Variants in IKBKB observed in about 807,000 individuals in gnomAD.
The protein encoded by IKBKB is inhibitor of nuclear factor kappa B kinase subunit beta.
Under a neutral mutation model 113.6 loss-of-function variants are expected in IKBKB, and 42 were observed. The observed-to-expected ratio is 0.37, with a 90% CI of 0.29 to 0.48. The LOEUF (loss-of-function observed/expected upper bound fraction) is 0.48. IKBKB is among the 20% of genes least tolerant of loss of function. The probability of loss-of-function intolerance (pLI) is 0.99; values close to 1 mark genes in which losing one functional copy is unlikely to be tolerated. For missense variants in IKBKB, 673 were observed against 939.7 expected (o/e 0.72, Z 3.71); for synonymous variants, 296 against 361.3 (o/e 0.82, Z 2.05).
At chr8:42,311,112 A>T (rs1443544320) in intron 8 of IKBKB, among the ~76,000 whole-genome samples, 1 of 152,254 alleles carries the variant, frequency 6.6e-6, no homozygotes, top group African/African-American at 2.4e-5. Flanking sequence ...CTCACCAGGA[A>T]GGTCATATAA....
intron 21 of IKBKB, chr8:42,329,830 C>A: frequency 5.1e-6 from 5 of 985,380 alleles, no homozygotes; most frequent in Non-Finnish European, 6.0e-6. Flanking sequence ...ACAAAGCTTC[C>A]ATTGTTGAGA....
intron 8 of IKBKB, among the ~76,000 whole-genome samples, chr8:42,313,229 T>C (rs545236811): frequency 1.1e-4 from 17 of 152,262 alleles, no homozygotes; most frequent in African/African-American, 3.9e-4. Flanking sequence ...AGTGAGCGAA[T>C]TGCTTGAGTC....
rs200136227 is a variant in IKBKB at position 42,290,185 on chromosome 8, G to A, written c.230G>A (p.Arg77Gln). 66 of 1,613,660 alleles carry A rather than the reference G, an allele frequency of 4.1e-5. No individual in the cohort carries two copies. The highest frequency in any genetic ancestry group is 4.8e-5 in the Non-Finnish European group (57 of 1,179,920). The change falls in exon 4 of 22, where the codon CGA becomes CAA. Residue 77 changes from arginine to glutamine, a missense_variant. Around this residue, in one of 2 missense-constraint regions of IKBKB, gnomAD observed 167 missense variants for 301.0 expected, o/e 0.55. Transcript: ENST00000520810. ...ACCCACCCCAATGTGGTGGCTGCCCGAGATGTCCCTGAGGGGATGCAGAAC... is the reference window on the plus strand; with the variant it reads ...ACCCACCCCAATGTGGTGGCTGCCCAAGATGTCCCTGAGGGGATGCAGAAC... ...RLTHPNVVAARDVPEGMQNLA... is the reference protein window; with the variant it reads ...RLTHPNVVAAQDVPEGMQNLA...
At chr8:42,314,729 C>G (rs1383278855) in intron 9 of IKBKB, among the ~76,000 whole-genome samples, 3 of 150,220 alleles carry the variant, frequency 2.0e-5, no homozygotes, top group Non-Finnish European at 4.4e-5. Flanking sequence ...GAGCTGAGAT[C>G]GTGCCACTGT....
chr8:42,297,369 A>C (rs970922026), intron 5 of IKBKB, among the ~76,000 whole-genome samples: 1 of 152,130 alleles, frequency 6.6e-6, no homozygotes, highest in East Asian at 1.9e-4. Context: ...TGGAGTTGCC[A>C]CTGCTGTTCT....
At chr8:42,302,321 A>G (rs1815390897) in intron 5 of IKBKB, among the ~76,000 whole-genome samples, 1 of 152,270 alleles carries the variant, frequency 6.6e-6, no homozygotes, top group Non-Finnish European at 1.5e-5. Flanking sequence ...TTTTAGGCAC[A>G]TGGAAAGCAG....
intron 1 of IKBKB, 149 bp from the exon 2 acceptor site, chr8:42,271,934 A>T: frequency 1.2e-6 from 1 of 868,270 alleles, no homozygotes; most frequent in Middle Eastern, 3.6e-4. Context: ...GACCAACCAA[A>T]CACATTGGTT....
intron 6 of IKBKB, 129 bp downstream of exon 6, chr8:42,305,404 A>G: frequency 1.6e-6 from 1 of 644,722 alleles, no homozygotes; most frequent in Non-Finnish European, 2.8e-6. Flanking sequence ...TTCTCTGGGA[A>G]TGCTGTTTGA....
At position 42,316,691 on chromosome 8, in the gene IKBKB, C is replaced by T; in HGVS notation, c.931-19C>T. On this transcript the variant is annotated intron_variant, in intron 10 of 21. Coordinates refer to ENST00000520810, the MANE Select transcript of IKBKB (RefSeq NM_001556.3). The surrounding 1 kb of genome is among the most constrained non-coding windows in gnomAD (Gnocchi z 4.5). ...CTTGAAGAAATCGGTTTTCCAGTAA[C>T]ATCTGGGTTGTGTTGCAGCTGGTTC... is the stretch of plus-strand genomic sequence containing the variant. The T allele has an allele frequency of 6.2e-7, 1 of 1,603,646 alleles. No homozygotes were observed. The highest frequency in any genetic ancestry group is 2.2e-5 in the East Asian group (1 of 44,672).
chr8:42,281,773 G>A (rs1322372348), intron 2 of IKBKB, among the ~76,000 whole-genome samples: 1 of 152,184 alleles, frequency 6.6e-6, no homozygotes, highest in Non-Finnish European at 1.5e-5. Flanking sequence ...GAAGGAGGAG[G>A]AGGTTTTTAC....
At chr8:42,286,224 GTTC>G (rs1811390002) in intron 2 of IKBKB, among the ~76,000 whole-genome samples, 1 of 152,122 alleles carries the variant, frequency 6.6e-6, no homozygotes, top group Admixed American at 6.5e-5. Flanking sequence ...GGAGTCTGCT[GTTC>G]CATTTCCACC....
chr8:42,298,070 C>G, intron 5 of IKBKB: 1 of 985,072 alleles, frequency 1.0e-6, no homozygotes, highest in Non-Finnish European at 1.2e-6. Flanking sequence ...TAAAATAGCT[C>G]AAGGAAGTTA....
At chr8:42,278,302 G>A (rs954988019) in intron 2 of IKBKB, among the ~76,000 whole-genome samples, 10 of 152,230 alleles carry the variant, frequency 6.6e-5, no homozygotes, top group Non-Finnish European at 1.3e-4. Flanking sequence ...GGTGGACGGT[G>A]CAAGTCAGAT....
Position 42,271,385 on chromosome 8 carries a change from G to A in IKBKB, c.-103G>A. The A allele has an allele frequency of 1.3e-6, 2 of 1,511,512 alleles. No individual in the cohort carries two copies. Among genetic ancestry groups the A allele is most frequent in the Non-Finnish European group, 1.8e-6 (2 of 1,126,230 alleles). 93.6% of individuals were successfully genotyped at this position (1,511,512 alleles called of 1,614,324 possible). A position where few individuals can be genotyped will look rare whatever the true frequency, so the allele number is the denominator to read the frequency against. ...CCCGCATTTTAATGTTTTCAGGGGGGTGTCATAGCCCCGGGTTTGGCCGCC... is the reference window on the plus strand; with the variant it reads ...CCCGCATTTTAATGTTTTCAGGGGGATGTCATAGCCCCGGGTTTGGCCGCC... On this transcript the variant is annotated 5_prime_UTR_variant, in exon 1 of 22. The change creates a new upstream start codon in the 5' untranslated region. Coordinates refer to ENST00000520810, the MANE Select transcript of IKBKB (RefSeq NM_001556.3).
In IKBKB at chr8:42,331,381, A is replaced by G. The variant is rs941561823; in HGVS notation, c.*402A>G. 2.1e-5 allele frequency: 15 copies of G among 702,772 alleles called. No individual in the cohort carries two copies. The highest frequency in any genetic ancestry group is 3.9e-5 in the Non-Finnish European group (15 of 385,018). 43.5% of individuals were successfully genotyped at this position (702,772 alleles called of 1,614,324 possible). On this transcript the variant is annotated 3_prime_UTR_variant, in exon 22 of 22. Transcript: ENST00000520810. ...TACGGTTTGCCACACACGTGACTGG[A>G]CAGTGTCCAATTCAAATCTTTCAGG...
At chr8:42,286,952 G>A (rs1811535177) in intron 2 of IKBKB, among the ~76,000 whole-genome samples, 1 of 152,210 alleles carries the variant, frequency 6.6e-6, no homozygotes, top group Admixed American at 6.5e-5. Context: ...TACACAGGAG[G>A]TGCAGGATGT....
intron 3 of IKBKB, 66 bp downstream of exon 3, chr8:42,288,794 GGA>G (rs1344011672): frequency 7.5e-7 from 1 of 1,333,024 alleles, no homozygotes; most frequent in African/African-American, 1.5e-5. Flanking sequence ...TGTCTAGAAA[GGA>G]GAGTCTTGCT....
In IKBKB at chr8:42,326,010, T is replaced by G; in HGVS notation, c.2027T>G (p.Met676Arg). 1 of 1,614,216 alleles carries G rather than the reference T, an allele frequency of 6.2e-7. No individual in the cohort carries two copies. The highest frequency in any genetic ancestry group is 1.6e-4 in the Middle Eastern group (1 of 6,062). The change falls in exon 20 of 22, where the codon ATG becomes AGG. Residue 676 changes from methionine to arginine, a missense_variant. Around this residue, in one of 2 missense-constraint regions of IKBKB, gnomAD observed 506 missense variants for 638.7 expected, o/e 0.79. Coordinates refer to ENST00000520810, the MANE Select transcript of IKBKB (RefSeq NM_001556.3). ...CCTGTCAGTGGAAGCCCGGATAGCA[T>G]GAATGCCTCTCGACTTAGCCAGCCT... ...RGPVSGSPDSMNASRLSQPGQ... is the reference protein window; with the variant it reads ...RGPVSGSPDSRNASRLSQPGQ...
intron 8 of IKBKB, among the ~76,000 whole-genome samples, chr8:42,312,274 A>G (rs1287515564): frequency 6.6e-6 from 1 of 152,246 alleles, no homozygotes. Context: ...GTTAAAATCC[A>G]TTAGAACTAG....
Sources: allele counts gnomAD v4.1 joint callset (sites outside exome capture counted in the v4.1 genomes callset), GRCh38; gene constraint gnomAD v4.1.1; regional missense constraint gnomAD v4.1.1; non-coding constraint Gnocchi (gnomAD v3.1); transcripts MANE v1.5; gene names NCBI Gene and HGNC (gene_info 2026-07-23, HGNC 2026-07-21).